GRID2: variants seen among roughly 807,000 people sequenced by gnomAD.
The protein encoded by GRID2 is glutamate ionotropic receptor delta type subunit 2.
GRID2 carries 33 observed loss-of-function variants against 114.8 expected under a neutral mutation model. The ratio of observed to expected loss-of-function variants is 0.29; its 90% CI spans 0.22 to 0.38. The LOEUF (loss-of-function observed/expected upper bound fraction) is 0.38, where lower values mean the gene tolerates loss of function less well. Among genes scored for constraint, GRID2 ranks in the 10% least tolerant of loss-of-function variants. The pLI is 1.00. For missense variants in GRID2, 1,184 were observed against 1,257.7 expected, an observed-to-expected ratio of 0.94 and a Z score of 0.89; for synonymous variants, 505 against 449.9, an observed-to-expected ratio of 1.12 and a Z score of -1.55.
intron 13 of GRID2, among the ~76,000 whole-genome samples, chr4:93,545,478 G>A (rs1341007903): frequency 6.6e-6 from 1 of 152,164 alleles, no homozygotes; most frequent in Non-Finnish European, 1.5e-5. Context: ...ATATGAGTAG[G>A]TAATGGCAGA....
chr4:92,920,580 A>G (rs897155263), intron 2 of GRID2, among the ~76,000 whole-genome samples: 7 of 152,184 alleles, frequency 4.6e-5, no homozygotes, highest in Non-Finnish European at 8.8e-5. Context: ...TTGTCTGTAA[A>G]GGATTTTATT....
intron 1 of GRID2, among the ~76,000 whole-genome samples, chr4:92,505,326 G>C (rs1434327962): frequency 6.6e-6 from 1 of 151,924 alleles, no homozygotes; most frequent in Non-Finnish European, 1.5e-5. Flanking sequence ...ACTTTCTACT[G>C]CTGACAAAAA....
At chr4:93,066,407 A>G (rs905384193) in intron 2 of GRID2, among the ~76,000 whole-genome samples, 2 of 152,080 alleles carry the variant, frequency 1.3e-5, no homozygotes, top group East Asian at 3.9e-4. Context: ...ATTAATATTC[A>G]ATCAGCAGTT....
At chr4:93,662,972 C>G (rs1723625715) in intron 14 of GRID2, among the ~76,000 whole-genome samples, 1 of 152,126 alleles carries the variant, frequency 6.6e-6, no homozygotes, top group Non-Finnish European at 1.5e-5. Flanking sequence ...AAGGCAAGTC[C>G]CTTACAAGCA....
intron 2 of GRID2, among the ~76,000 whole-genome samples, chr4:92,892,434 G>T (rs1443128160): frequency 6.6e-6 from 1 of 152,106 alleles, no homozygotes; most frequent in East Asian, 1.9e-4. Flanking sequence ...TAGGGTAAAT[G>T]ATTTCAAATA....
intron 8 of GRID2, among the ~76,000 whole-genome samples, chr4:93,351,988 T>A (rs1240371175): frequency 6.6e-6 from 1 of 152,054 alleles, no homozygotes; most frequent in Non-Finnish European, 1.5e-5. Flanking sequence ...TATGACTCAC[T>A]CTAACTCTCA....
intron 1 of GRID2, among the ~76,000 whole-genome samples, chr4:92,427,164 C>G (rs777681400): frequency 4.6e-5 from 7 of 152,100 alleles, no homozygotes; most frequent in Non-Finnish European, 8.8e-5. Flanking sequence ...GAAGGATGCT[C>G]CAAATAATAC....
intron 1 of GRID2, among the ~76,000 whole-genome samples, chr4:92,484,432 AATATT>A (rs574859565): frequency 1.3e-4 from 20 of 152,140 alleles, no homozygotes; most frequent in Non-Finnish European, 2.2e-4. Context: ...CAGGAAATAA[AATATT>A]ATAGGAATTG....
At chr4:92,982,123 A>G (rs1202414407) in intron 2 of GRID2, among the ~76,000 whole-genome samples, 1 of 151,452 alleles carries the variant, frequency 6.6e-6, no homozygotes, top group South Asian at 2.1e-4. Context: ...TTACTCCCCT[A>G]CTCAACTTTC....
At chr4:93,769,609 C>A (rs540041515) in intron 15 of GRID2, among the ~76,000 whole-genome samples, 159 bp downstream of exon 15, 96 of 152,200 alleles carry the variant, frequency 6.3e-4, no homozygotes, top group Admixed American at 1.2e-3. Context: ...TTGGTAAGAT[C>A]AATATCAATT....
rs183342084 is a variant in GRID2, at chr4:92,986,817, G to A, written c.245-98178G>A. On this transcript the variant is annotated intron_variant, in intron 2 of 15. Transcript: ENST00000282020. ...TAAGTTCTTATGTTCTGAAGATAAC[G>A]TAAAGATAAATAAAGTCCTTGTCCT... Among the ~76,000 whole-genome samples the A allele has an allele frequency of 3.4e-4, 51 of 152,074 alleles. 2 individuals are homozygous for A. The highest frequency in any genetic ancestry group is 3.0e-3 in the Admixed American group (46 of 15,284).
At chr4:92,394,347 C>T (rs1472242892) in intron 1 of GRID2, among the ~76,000 whole-genome samples, 1 of 151,962 alleles carries the variant, frequency 6.6e-6, no homozygotes, top group Non-Finnish European at 1.5e-5. Flanking sequence ...ACTCATGGTG[C>T]ACAGGGCACC....
intron 8 of GRID2, among the ~76,000 whole-genome samples, chr4:93,288,489 T>A (rs754263461): frequency 3.9e-5 from 6 of 152,168 alleles, no homozygotes; most frequent in Admixed American, 3.3e-4. Context: ...TGTGTATCCA[T>A]CACTGCCCTT....
intron 2 of GRID2, among the ~76,000 whole-genome samples, chr4:92,830,884 T>C (rs1275023421): frequency 6.6e-6 from 1 of 152,184 alleles, no homozygotes; most frequent in African/African-American, 2.4e-5. Flanking sequence ...TTACAGAACA[T>C]ATCATAGAGC....
intron 2 of GRID2, among the ~76,000 whole-genome samples, chr4:92,612,601 T>C (rs1261873484): frequency 6.6e-6 from 1 of 151,538 alleles, no homozygotes; most frequent in Non-Finnish European, 1.5e-5. Context: ...CATATCCACC[T>C]ATTTATATCT....
At chr4:93,050,415 G>C (rs1055105646) in intron 2 of GRID2, among the ~76,000 whole-genome samples, 5 of 151,822 alleles carry the variant, frequency 3.3e-5, no homozygotes, top group African/African-American at 1.2e-4. Context: ...AAAATTCAAA[G>C]TGTAATCAGC....
At chr4:92,423,226 A>C (rs1731992413) in intron 1 of GRID2, among the ~76,000 whole-genome samples, 1 of 152,206 alleles carries the variant, frequency 6.6e-6, no homozygotes, top group African/African-American at 2.4e-5. Context: ...TAGTAAGACT[A>C]GCTAATAGAC....
rs548170179 is a variant in GRID2 at position 93,054,914 on chromosome 4, A to G, written c.245-30081A>G. Among the ~76,000 whole-genome samples, 6 of 152,046 alleles carry G rather than the reference A, an allele frequency of 3.9e-5. No homozygotes were observed. In the East Asian group the frequency reaches 1.2e-3, roughly 29 times the overall value. ...ACAACTAGATATTTTAAAAATAGAT[A>G]AAACAATGCCTTATTTTCACCTTCA... On this transcript the variant is annotated intron_variant, in intron 2 of 15. Coordinates refer to ENST00000282020, the MANE Select transcript of GRID2 (RefSeq NM_001510.4).
At chr4:93,495,688 G>A (rs1580245040) in intron 12 of GRID2, among the ~76,000 whole-genome samples, 1 of 151,790 alleles carries the variant, frequency 6.6e-6, no homozygotes, top group East Asian at 1.9e-4. Flanking sequence ...TATATTTACA[G>A]CAATTAACTA....
Sources: allele counts gnomAD v4.1 joint callset (sites outside exome capture counted in the v4.1 genomes callset), GRCh38; gene constraint gnomAD v4.1.1; transcripts MANE v1.5; gene names NCBI Gene and HGNC (gene_info 2026-07-23, HGNC 2026-07-21).